Variants in MGAT4A observed in about 807,000 individuals in gnomAD.
MGAT4A encodes the protein N-acetylglucosaminyltransferase IVa.
MGAT4A carries 33 observed loss-of-function variants against 74.1 expected under a neutral mutation model. The observed-to-expected ratio is 0.45, with a 90% CI of 0.34 to 0.60. The LOEUF is 0.60. MGAT4A is among the 20% of genes least tolerant of loss of function. The probability of loss-of-function intolerance (pLI) is 0.02; values close to 1 mark genes in which losing one functional copy is unlikely to be tolerated. For synonymous variants in MGAT4A, 198 were observed against 210.4 expected, an observed-to-expected ratio of 0.94 and a Z score of 0.51; for missense variants, 479 against 628.3, an observed-to-expected ratio of 0.76 and a Z score of 2.54.
intron 2 of MGAT4A, chr2:98,695,395 C>A: frequency 4.5e-6 from 1 of 221,606 alleles, no homozygotes. Flanking sequence ...CTCAGACAGC[C>A]CCCTCATCAT....
At chr2:98,652,545 A>G (rs1368171583) in intron 8 of MGAT4A, among the ~76,000 whole-genome samples, 1 of 152,056 alleles carries the variant, frequency 6.6e-6, no homozygotes, top group African/African-American at 2.4e-5. Flanking sequence ...GTTAGCCAGG[A>G]TGGTCTCGAT....
intron 14 of MGAT4A, among the ~76,000 whole-genome samples, chr2:98,634,667 G>A (rs898538552): frequency 5.3e-5 from 8 of 150,512 alleles, no homozygotes; most frequent in Non-Finnish European, 1.0e-4. Flanking sequence ...ATGAAAAACC[G>A]ACAGATTTGT....
At position 98,635,224 on chromosome 2, in the gene MGAT4A, A is replaced by G. The variant is rs771408841; in HGVS notation, c.1466T>C (p.Ile489Thr). ...DKRLEDGYFR[I>T]GKFENGVAEG... Reference sequence around the variant, plus strand: ...CATTTTACTAAAGTAGATATTACCTATTCTGAAATAGCCATCTTCTAATCG... The same window carrying G: ...CATTTTACTAAAGTAGATATTACCTGTTCTGAAATAGCCATCTTCTAATCG... The change falls in exon 14 of 16, where the codon ATA (isoleucine) becomes ACA (threonine). Residue 489 changes from isoleucine (I) to threonine (T), a missense_variant and splice_region_variant. Coordinates refer to ENST00000393487, the MANE Select transcript of MGAT4A (RefSeq NM_012214.3). 8.7e-6 allele frequency: 14 copies of G among 1,605,394 alleles called. No individual in the cohort carries two copies. Among genetic ancestry groups the G allele is most frequent in the South Asian group, 6.6e-5 (6 of 90,378 alleles).
chr2:98,641,863 C>T (rs936466546), intron 10 of MGAT4A, among the ~76,000 whole-genome samples: 9 of 151,558 alleles, frequency 5.9e-5, no homozygotes, highest in African/African-American at 1.2e-4. Context: ...CGTGGTGGCC[C>T]GTGCCTGTAG....
intron 6 of MGAT4A, among the ~76,000 whole-genome samples, chr2:98,657,864 A>G (rs1701681696): frequency 6.6e-6 from 1 of 152,222 alleles, no homozygotes; most frequent in African/African-American, 2.4e-5. Flanking sequence ...TACGTTAAAT[A>G]TCTACCCTGA....
chr2:98,716,745 G>A (rs1406536909), intron 2 of MGAT4A, among the ~76,000 whole-genome samples: 1 of 152,144 alleles, frequency 6.6e-6, no homozygotes, highest in African/African-American at 2.4e-5. Context: ...ACCAAAATCT[G>A]CAGATGCTCA....
At chr2:98,680,510 T>C (rs901072020) in intron 2 of MGAT4A, among the ~76,000 whole-genome samples, 1 of 152,200 alleles carries the variant, frequency 6.6e-6, no homozygotes, top group African/African-American at 2.4e-5. Context: ...TAAGATTCCA[T>C]AGCAGAAAAA....
intron 8 of MGAT4A, among the ~76,000 whole-genome samples, chr2:98,647,809 G>A (rs571981298): frequency 6.6e-6 from 1 of 152,332 alleles, no homozygotes; most frequent in African/African-American, 2.4e-5. Context: ...CCTTTCCCCT[G>A]AGGGGTATGT....
intron 2 of MGAT4A, among the ~76,000 whole-genome samples, chr2:98,718,123 T>G (rs142119793): frequency 6.6e-6 from 1 of 152,382 alleles, no homozygotes; most frequent in Admixed American, 6.5e-5. Flanking sequence ...CAGAATATAC[T>G]GTAGTCTACT....
At position 98,726,391 on chromosome 2, in the gene MGAT4A, CT is replaced by C; in HGVS notation, c.-60del. On this transcript the variant is annotated 5_prime_UTR_variant, in exon 2 of 16. Transcript: ENST00000393487. ...TGATGACAACAACCAGGACTGTTTT[CT>C]TTTTACCCTGAAAGTCAACTGAATG... 6.9e-7 allele frequency: 1 copy of C among 1,446,962 alleles called. No homozygotes were observed. Among genetic ancestry groups the C allele is most frequent in the Non-Finnish European group, 9.6e-7 (1 of 1,040,560 alleles). 89.6% of individuals were successfully genotyped at this position (1,446,962 alleles called of 1,614,324 possible).
In MGAT4A at chr2:98,716,846, A is replaced by C. The variant is rs570488219; in HGVS notation, c.94+9393T>G. Among the ~76,000 whole-genome samples the C allele has an allele frequency of 5.3e-5, 8 of 152,324 alleles. No individual in the cohort carries two copies. The South Asian group carries it at 1.7e-3, about 32-fold the overall frequency. ...ATCTCTAGATTACTTAAAATATCTAATACAATGTAAATGCTAGATAAATAG... is the reference window on the plus strand; with the variant it reads ...ATCTCTAGATTACTTAAAATATCTACTACAATGTAAATGCTAGATAAATAG... On this transcript the variant is annotated intron_variant, in intron 2 of 15. Transcript: ENST00000393487.
chr2:98,681,758 C>T (rs946782512), intron 2 of MGAT4A, among the ~76,000 whole-genome samples: 1 of 151,966 alleles, frequency 6.6e-6, no homozygotes, highest in Admixed American at 6.6e-5. Flanking sequence ...TTTGAGACCA[C>T]CCTGGGCAAC....
At chr2:98,675,882 T>C (rs983816577) in intron 3 of MGAT4A, among the ~76,000 whole-genome samples, 8 of 152,198 alleles carry the variant, frequency 5.3e-5, no homozygotes, top group Non-Finnish European at 2.9e-5. Context: ...TTACATGTTA[T>C]CAAAATTTCA....
chr2:98,710,075 G>C (rs1702495224), intron 2 of MGAT4A, among the ~76,000 whole-genome samples: 1 of 152,106 alleles, frequency 6.6e-6, no homozygotes, highest in Non-Finnish European at 1.5e-5. Flanking sequence ...AAAAACAACA[G>C]GAACACTTTT....
intron 2 of MGAT4A, among the ~76,000 whole-genome samples, chr2:98,683,261 G>C (rs541899791): frequency 2.0e-5 from 3 of 152,250 alleles, no homozygotes; most frequent in African/African-American, 7.2e-5. Flanking sequence ...AACATTACTG[G>C]AAAAATAACA....
At chr2:98,713,670 G>A (rs1215739224) in intron 2 of MGAT4A, among the ~76,000 whole-genome samples, 5 of 152,158 alleles carry the variant, frequency 3.3e-5, no homozygotes, top group Non-Finnish European at 1.5e-5. Flanking sequence ...AGGGATGGAT[G>A]GGTAGAAACA....
intron 5 of MGAT4A, 31 bp downstream of exon 5, chr2:98,663,015 G>A (rs1489543646): frequency 4.2e-6 from 6 of 1,416,348 alleles, no homozygotes; most frequent in Non-Finnish European, 3.8e-6. Flanking sequence ...GGCTATATTT[G>A]GTAAAAACAT....
chr2:98,716,919 T>C (rs1277264398), intron 2 of MGAT4A, among the ~76,000 whole-genome samples: 1 of 152,230 alleles, frequency 6.6e-6, no homozygotes, highest in African/African-American at 2.4e-5. Flanking sequence ...AAAACCAGTT[T>C]GTATATGTTC....
chr2:98,673,130 T>C (rs1302760114), intron 4 of MGAT4A, among the ~76,000 whole-genome samples: 1 of 152,058 alleles, frequency 6.6e-6, no homozygotes, highest in Non-Finnish European at 1.5e-5. Flanking sequence ...CAGTTTTCTG[T>C]TCTGGGCATT....
Sources: allele counts gnomAD v4.1 joint callset (sites outside exome capture counted in the v4.1 genomes callset), GRCh38; gene constraint gnomAD v4.1.1; transcripts MANE v1.5; gene names NCBI Gene and HGNC (gene_info 2026-07-23, HGNC 2026-07-21).